The following NUDCD3 variants were observed in gnomAD, a reference collection of about 807,000 sequenced individuals.
NUDCD3 encodes NudC domain containing 3, also known as nudC domain-containing protein 3.
NUDCD3 carries 13 observed loss-of-function variants against 39.7 expected under a neutral mutation model. The ratio of observed to expected loss-of-function variants is 0.33; its 90% CI spans 0.21 to 0.52. The LOEUF is 0.52. Ranked by LOEUF, NUDCD3 falls within the 20% of genes least tolerant of loss-of-function variation. NUDCD3 has a pLI of 0.96. For synonymous variants in NUDCD3, 175 were observed against 172.4 expected (o/e 1.02, Z -0.12); for missense variants, 453 against 458.1 (o/e 0.99, Z 0.10).
intron 2 of NUDCD3, among the ~76,000 whole-genome samples, chr7:44,448,400 CA>C (rs1799726461): frequency 1.3e-5 from 2 of 152,202 alleles, no homozygotes; most frequent in Non-Finnish European, 2.9e-5. Context: ...AGGCTTTCCA[CA>C]GAGCCCCCAG....
intron 2 of NUDCD3, among the ~76,000 whole-genome samples, chr7:44,461,450 T>C (rs1318005734): frequency 6.6e-6 from 1 of 152,084 alleles, no homozygotes; most frequent in Non-Finnish European, 1.5e-5. Context: ...TTAAAATCAG[T>C]GTGATCTGCA....
intron 3 of NUDCD3, among the ~76,000 whole-genome samples, chr7:44,416,869 T>C (rs1267160223): frequency 5.9e-5 from 9 of 152,172 alleles, no homozygotes; most frequent in Non-Finnish European, 2.9e-5. Context: ...GCTGAGACCA[T>C]GCACACACAG....
chr7:44,445,350 G>A (rs1017277373), intron 2 of NUDCD3, among the ~76,000 whole-genome samples: 2 of 152,222 alleles, frequency 1.3e-5, no homozygotes, highest in African/African-American at 2.4e-5. Context: ...TCTTTAGCAT[G>A]AATCAGGGTC....
At chr7:44,440,642 A>G (rs1440963199) in intron 2 of NUDCD3, among the ~76,000 whole-genome samples, 2 of 152,146 alleles carry the variant, frequency 1.3e-5, no homozygotes, top group Admixed American at 6.6e-5. Flanking sequence ...AGGAGGTTTA[A>G]GTCTGCAGCT....
intron 2 of NUDCD3, among the ~76,000 whole-genome samples, chr7:44,463,742 G>A (rs929591761): frequency 1.3e-5 from 2 of 151,904 alleles, no homozygotes; most frequent in East Asian, 3.9e-4. Flanking sequence ...GTTATCTCTG[G>A]GAGAATACTG....
At position 44,380,134 on chromosome 7, in the gene NUDCD3, G is replaced by C. The variant is rs1408754430; in HGVS notation, c.*5877C>G. On this transcript the variant is annotated 3_prime_UTR_variant, in exon 6 of 6. Transcript: ENST00000355451. ...CACCCTGAATGCTTTCAGGTGGATGGTTTGGATCTCTCCTCACCTGGCTGG... is the reference window on the plus strand; with the variant it reads ...CACCCTGAATGCTTTCAGGTGGATGCTTTGGATCTCTCCTCACCTGGCTGG... 6.6e-6 allele frequency: 1 copy of C among 152,266 alleles called. No homozygotes were observed. The highest frequency in any genetic ancestry group is 1.5e-5 in the Non-Finnish European group (1 of 68,104). 9.4% of individuals were successfully genotyped at this position (152,266 alleles called of 1,614,324 possible).
chr7:44,384,630 G>A lies in NUDCD3; in HGVS notation c.*1381C>T, dbSNP rs1427774918. On this transcript the variant is annotated 3_prime_UTR_variant, in exon 6 of 6. Coordinates refer to ENST00000355451, the MANE Select transcript of NUDCD3 (RefSeq NM_015332.4). Reference sequence around the variant, plus strand: ...GTATCCATAGAGAGTGTGCAGGAGCGGGGACCTTCCCCTGACAATAGGCCC... The same window carrying A: ...GTATCCATAGAGAGTGTGCAGGAGCAGGGACCTTCCCCTGACAATAGGCCC... 1 of 152,246 alleles carries A rather than the reference G, an allele frequency of 6.6e-6. No homozygotes were observed. Among genetic ancestry groups the A allele is most frequent in the Admixed American group, 6.5e-5 (1 of 15,274 alleles). The allele number at this position is 152,246 out of a possible 1,614,324, so 9.4% of individuals were successfully genotyped here.
Position 44,448,502 on chromosome 7 carries a change from G to A in NUDCD3, c.510-20799C>T, listed in dbSNP as rs74453049. On this transcript the variant is annotated intron_variant, in intron 2 of 5. Transcript: ENST00000355451. ...AAATGATGATGGTATACTTCTCAAT[G>A]TTGCTGGCACTGACAGAAGCTTCTT... is the stretch of plus-strand genomic sequence containing the variant. Among the ~76,000 whole-genome samples, 377 of 152,314 alleles carry A rather than the reference G, an allele frequency of 2.5e-3. 2 individuals are homozygous for A. Among genetic ancestry groups the A allele is most frequent in the Non-Finnish European group, 3.7e-3 (255 of 68,026 alleles).
intron 3 of NUDCD3, among the ~76,000 whole-genome samples, chr7:44,412,926 C>CAAAAAAAAAAAAAAAAAAAAA (rs767754442): frequency 2.3e-5 from 1 of 43,896 alleles, no homozygotes; most frequent in African/African-American, 7.9e-5. Context: ...GACGCCGTCT[C>CAAAAAAAAAAAAAAAAAAAAA]AAAAAAAAAA....
chr7:44,488,587 T>C (rs1800666580), intron 1 of NUDCD3, among the ~76,000 whole-genome samples: 1 of 152,140 alleles, frequency 6.6e-6, no homozygotes, highest in African/African-American at 2.4e-5. Context: ...GTAATTCCAA[T>C]AGCCTATGGG....
intron 3 of NUDCD3, among the ~76,000 whole-genome samples, chr7:44,417,505 T>C (rs954287102): frequency 2.0e-5 from 3 of 152,184 alleles, no homozygotes; most frequent in Admixed American, 6.5e-5. Context: ...ATACAAACCC[T>C]TTCAGAGAAA....
At chr7:44,388,162 T>G (rs1280612737) in intron 5 of NUDCD3, among the ~76,000 whole-genome samples, 1 of 152,238 alleles carries the variant, frequency 6.6e-6, no homozygotes, top group African/African-American at 2.4e-5. Flanking sequence ...AGAAGCACAA[T>G]TTGAAATCTT....
chr7:44,403,493 T>A (rs1339436150), intron 4 of NUDCD3, among the ~76,000 whole-genome samples: 1 of 152,160 alleles, frequency 6.6e-6, no homozygotes, highest in Non-Finnish European at 1.5e-5. Context: ...AGAGTCAAGG[T>A]TGGTCCAGGT....
intron 2 of NUDCD3, among the ~76,000 whole-genome samples, chr7:44,460,805 T>C (rs1184278723): frequency 6.6e-6 from 1 of 152,204 alleles, no homozygotes; most frequent in Non-Finnish European, 1.5e-5. Context: ...CTCTAACCTA[T>C]ACTAAATTTC....
chr7:44,469,010 T>C (rs1800193907), intron 2 of NUDCD3, among the ~76,000 whole-genome samples: 1 of 151,586 alleles, frequency 6.6e-6, no homozygotes. Context: ...ACAGTCCATT[T>C]GTTTTGGACT....
At chr7:44,403,601 G>GAT (rs1402002008) in intron 4 of NUDCD3, among the ~76,000 whole-genome samples, 1 of 152,234 alleles carries the variant, frequency 6.6e-6, no homozygotes, top group African/African-American at 2.4e-5. Context: ...GAGCCTGAGA[G>GAT]ATAGTTTGTC....
rs760593728 is a variant in NUDCD3, at chr7:44,412,799, C to T, written c.643-8216G>A. Among the ~76,000 whole-genome samples the T allele has an allele frequency of 4.3e-3, 655 of 151,642 alleles. 2 individuals carry two copies. The highest frequency in any genetic ancestry group is 7.6e-3 in the Non-Finnish European group (517 of 67,736). On this transcript the variant is annotated intron_variant, in intron 3 of 5. Coordinates refer to ENST00000355451, the MANE Select transcript of NUDCD3 (RefSeq NM_015332.4). ...AAAATTAGTTGGGCGTAGTGGCAGG[C>T]GCCTGTATTCCCAGCTACTCAGGAG...
intron 2 of NUDCD3, among the ~76,000 whole-genome samples, chr7:44,432,950 C>T (rs749479112): frequency 3.9e-5 from 6 of 152,194 alleles, no homozygotes; most frequent in Non-Finnish European, 7.3e-5. Context: ...TCTTGAAATC[C>T]TAACCCCGAA....
intron 2 of NUDCD3, among the ~76,000 whole-genome samples, chr7:44,452,718 G>A (rs1291360015): frequency 1.3e-5 from 2 of 152,200 alleles, no homozygotes; most frequent in Non-Finnish European, 2.9e-5. Flanking sequence ...CAGAAGCCAG[G>A]AAAGGCCATC....
Sources: gnomAD v4.1 joint callset for allele counts (sites outside exome capture counted in the v4.1 genomes callset) on GRCh38, gnomAD v4.1.1 for gene constraint, MANE v1.5 for transcripts, NCBI Gene and HGNC (gene_info 2026-07-23, HGNC 2026-07-21) for gene names.